The following ARFGEF3 variants were observed in gnomAD, a reference collection of about 807,000 sequenced individuals.
ARFGEF3 encodes the protein ARFGEF family member 3.
A neutral mutation model predicts 221.7 loss-of-function variants in ARFGEF3; 96 were observed. The observed-to-expected ratio is 0.43, with a 90% CI of 0.37 to 0.51. The LOEUF (loss-of-function observed/expected upper bound fraction) is 0.51. Ranked by LOEUF, ARFGEF3 falls within the 20% of genes least tolerant of loss-of-function variation. ARFGEF3 has a pLI of 0.00. For missense variants in ARFGEF3, 2,410 were observed against 2,789.9 expected (o/e 0.86, Z 3.07); for synonymous variants, 1,145 against 1,126.8 (o/e 1.02, Z -0.32).
chr6:138,188,409 G>A (rs1029939866), intron 2 of ARFGEF3, among the ~76,000 whole-genome samples: 15 of 152,058 alleles, frequency 9.9e-5, no homozygotes, highest in Admixed American at 7.9e-4. Context: ...TAGTTTGACT[G>A]TCTTTTGCTC....
chr6:138,217,787 T>C (rs987149685), intron 4 of ARFGEF3: 11 of 697,466 alleles, frequency 1.6e-5, no homozygotes, highest in Admixed American at 1.5e-4. Flanking sequence ...TAATAATCTA[T>C]GAGTTCAAGA....
chr6:138,303,908 G>A (rs1416281289), intron 22 of ARFGEF3, among the ~76,000 whole-genome samples: 1 of 150,116 alleles, frequency 6.7e-6, no homozygotes, highest in Non-Finnish European at 1.5e-5. Context: ...AAGTGTTGGT[G>A]AGGGAGGAGG....
chr6:138,339,567 T>C lies in ARFGEF3; in HGVS notation c.*3081T>C, dbSNP rs1780390037. ...GAGATCTTTCTCTTCTTTTCCTAAATTTTGGTAAAGTGTGCTTCATGAAAC... is the reference window on the plus strand; with the variant it reads ...GAGATCTTTCTCTTCTTTTCCTAAACTTTGGTAAAGTGTGCTTCATGAAAC... On this transcript the variant is annotated 3_prime_UTR_variant, in exon 34 of 34. Coordinates refer to ENST00000251691, the MANE Select transcript of ARFGEF3 (RefSeq NM_020340.5). 6.6e-6 allele frequency: 1 copy of C among 152,218 alleles called. No homozygotes were observed. Among genetic ancestry groups the C allele is most frequent in the Admixed American group, 6.5e-5 (1 of 15,280 alleles). 9.4% of individuals were successfully genotyped at this position (152,218 alleles called of 1,614,324 possible).
intron 17 of ARFGEF3, among the ~76,000 whole-genome samples, chr6:138,289,247 C>T (rs943651265): frequency 6.6e-6 from 1 of 152,148 alleles, no homozygotes; most frequent in Non-Finnish European, 1.5e-5. Flanking sequence ...GCCACCACAC[C>T]CAGGCTACAA....
intron 32 of ARFGEF3, among the ~76,000 whole-genome samples, chr6:138,329,120 A>G (rs1435926091): frequency 2.0e-5 from 3 of 152,204 alleles, no homozygotes; most frequent in Non-Finnish European, 2.9e-5. Context: ...GCCCCAAGAA[A>G]CTTGCCCTTT....
intron 4 of ARFGEF3, among the ~76,000 whole-genome samples, chr6:138,228,473 C>T (rs1778132680): frequency 6.6e-6 from 1 of 151,948 alleles, no homozygotes; most frequent in Non-Finnish European, 1.5e-5. Flanking sequence ...AGGTGTGAGC[C>T]ACTGTGCCCA....
intron 27 of ARFGEF3, 108 bp downstream of exon 27, chr6:138,317,487 T>C: frequency 7.4e-7 from 1 of 1,360,312 alleles, no homozygotes; most frequent in Non-Finnish European, 1.0e-6. Context: ...CTAGACTTAG[T>C]ACAAAGCTCA....
intron 4 of ARFGEF3, among the ~76,000 whole-genome samples, chr6:138,210,505 T>C (rs1211707955): frequency 2.0e-5 from 3 of 152,034 alleles, no homozygotes; most frequent in Non-Finnish European, 4.4e-5. Context: ...CTTCAAATTA[T>C]ATGAAACTTA....
At chr6:138,188,781 G>A (rs887079740) in intron 2 of ARFGEF3, among the ~76,000 whole-genome samples, 2 of 152,208 alleles carry the variant, frequency 1.3e-5, no homozygotes, top group African/African-American at 2.4e-5. Flanking sequence ...GGTTAATGCA[G>A]ATCTTAGTCA....
intron 4 of ARFGEF3, among the ~76,000 whole-genome samples, chr6:138,224,164 G>A (rs1318076204): frequency 6.6e-6 from 1 of 152,162 alleles, no homozygotes; most frequent in Non-Finnish European, 1.5e-5. Flanking sequence ...TGATAGAAAT[G>A]AGCTCTTCAA....
chr6:138,210,264 G>A (rs372581008), intron 4 of ARFGEF3, among the ~76,000 whole-genome samples: 14 of 152,162 alleles, frequency 9.2e-5, no homozygotes, highest in Non-Finnish European at 1.9e-4. Context: ...GCCTTGTTCT[G>A]CATTAAAGGC....
At chr6:138,236,201 T>G (rs1237757984) in intron 5 of ARFGEF3, among the ~76,000 whole-genome samples, 2 of 152,204 alleles carry the variant, frequency 1.3e-5, no homozygotes, top group African/African-American at 4.8e-5. Flanking sequence ...AAGTGTGTAG[T>G]TCAGCTCTCA....
At chr6:138,168,681 G>A (rs1468316220) in intron 1 of ARFGEF3, among the ~76,000 whole-genome samples, 1 of 152,216 alleles carries the variant, frequency 6.6e-6, no homozygotes, top group East Asian at 1.9e-4. Context: ...AAGATGTTGA[G>A]ATTCTCCAAG....
intron 4 of ARFGEF3, among the ~76,000 whole-genome samples, chr6:138,227,549 GTCTT>G (rs370852023): frequency 6.6e-5 from 10 of 152,286 alleles, no homozygotes; most frequent in African/African-American, 2.4e-4. Flanking sequence ...AGTGGTGCCA[GTCTT>G]TATTGTCAAT....
intron 2 of ARFGEF3, among the ~76,000 whole-genome samples, chr6:138,174,764 C>A (rs1469311252): frequency 2.6e-5 from 4 of 152,012 alleles, no homozygotes; most frequent in Non-Finnish European, 4.4e-5. Flanking sequence ...TACCTTTGCT[C>A]TGCTTTTTCC....
At chr6:138,250,699 G>T (rs886788528) in intron 8 of ARFGEF3, among the ~76,000 whole-genome samples, 1 of 152,230 alleles carries the variant, frequency 6.6e-6, no homozygotes, top group Non-Finnish European at 1.5e-5. Context: ...CGGCCTGCGG[G>T]TCCACGCCTG....
In ARFGEF3 at chr6:138,344,259, T is replaced by C. The variant is rs1780478491; in HGVS notation, c.*7773T>C. The C allele has an allele frequency of 6.6e-6, 1 of 152,238 alleles. No homozygotes were observed. Among genetic ancestry groups the C allele is most frequent in the Admixed American group, 6.5e-5 (1 of 15,284 alleles). 9.4% of individuals were successfully genotyped at this position (152,238 alleles called of 1,614,324 possible). On this transcript the variant is annotated 3_prime_UTR_variant, in exon 34 of 34. Transcript: ENST00000251691. ...ATTTGAGTCAGTATACCATTTTACC[T>C]ATAAAATGCAAAATTCATCCTTGCA...
intron 7 of ARFGEF3, 83 bp downstream of exon 7, chr6:138,243,077 G>A (rs1331337541): frequency 9.3e-7 from 1 of 1,070,344 alleles, no homozygotes; most frequent in Non-Finnish European, 1.4e-6. Flanking sequence ...GGGGTACAAA[G>A]ATGTCTAGGA....
At chr6:138,311,131 G>A (rs1779819334) in intron 24 of ARFGEF3, among the ~76,000 whole-genome samples, 1 of 152,220 alleles carries the variant, frequency 6.6e-6, no homozygotes, top group Non-Finnish European at 1.5e-5. Context: ...AATGTTGATT[G>A]TTTAGTGGAA....
Sources: allele counts gnomAD v4.1 joint callset (sites outside exome capture counted in the v4.1 genomes callset), GRCh38; gene constraint gnomAD v4.1.1; transcripts MANE v1.5; gene names NCBI Gene and HGNC (gene_info 2026-07-23, HGNC 2026-07-21).